UHMK1: variants seen among roughly 807,000 people sequenced by gnomAD.
UHMK1 encodes the protein serine/threonine-protein kinase Kist.
UHMK1 carries 18 observed loss-of-function variants against 44.0 expected under a neutral mutation model. The ratio of observed to expected loss-of-function variants is 0.41; its 90% CI spans 0.28 to 0.61. UHMK1 has a LOEUF of 0.61. UHMK1 is among the 20% of genes least tolerant of loss of function. The pLI is 0.31. For synonymous variants in UHMK1, 231 were observed against 198.5 expected (o/e 1.16, Z -1.38); for missense variants, 463 against 522.5 (o/e 0.89, Z 1.11).
intron 3 of UHMK1, among the ~76,000 whole-genome samples, chr1:162,501,552 A>G (rs943592133): frequency 2.0e-5 from 3 of 152,202 alleles, no homozygotes; most frequent in Non-Finnish European, 4.4e-5. Flanking sequence ...CTTGAATGCC[A>G]CTACCAACTC....
At chr1:162,513,299 TA>T (rs1452919340) in intron 6 of UHMK1, among the ~76,000 whole-genome samples, 4 of 152,178 alleles carry the variant, frequency 2.6e-5, no homozygotes. Context: ...TTTACCCAGT[TA>T]ATGAAGAAGA....
chr1:162,499,418 C>T (rs1200560674), intron 1 of UHMK1, among the ~76,000 whole-genome samples: 2 of 152,114 alleles, frequency 1.3e-5, no homozygotes, highest in Non-Finnish European at 1.5e-5. Context: ...CCTCCTGCCT[C>T]GGTCTCTCAG....
Position 162,501,043 on chromosome 1 carries a change from T to C in UHMK1, c.692T>C (p.Ile231Thr). 6.2e-7 allele frequency: 1 copy of C among 1,614,118 alleles called. No individual in the cohort carries two copies. Among genetic ancestry groups the C allele is most frequent in the Non-Finnish European group, 8.5e-7 (1 of 1,180,012 alleles). The change falls in exon 3 of 8, where the codon ATT becomes ACT. Residue 231 changes from isoleucine (I) to threonine (T), a missense_variant. Coordinates refer to ENST00000489294, the MANE Select transcript of UHMK1 (RefSeq NM_175866.5). The stretch of plus-strand genomic sequence containing the variant: ...GTTGATCTGTGGAGCCTAGGAATCA[T>C]TTTACTGGAAATGTTCTCAGGAATG... ...SAVDLWSLGI[I>T]LLEMFSGMKL...
At position 162,508,441 on chromosome 1, in the gene UHMK1, C is replaced by T. The variant is rs368138223; in HGVS notation, c.849-4059C>T. Reference sequence around the variant, plus strand: ...AGCTCATTTTGAAATGGTAGGCTCACACCCATAATCCCAGCACTTTGGGAG... The same window carrying T: ...AGCTCATTTTGAAATGGTAGGCTCATACCCATAATCCCAGCACTTTGGGAG... On this transcript the variant is annotated intron_variant, in intron 4 of 7. Transcript: ENST00000489294. 9.9e-5 allele frequency among the ~76,000 whole-genome samples: 15 copies of T among 151,142 alleles called. No homozygotes were observed. The South Asian group carries it at 3.1e-3, about 32-fold the overall frequency.
intron 4 of UHMK1, among the ~76,000 whole-genome samples, chr1:162,505,073 C>T (rs971884972): frequency 1.3e-5 from 2 of 152,116 alleles, no homozygotes; most frequent in African/African-American, 4.8e-5. Context: ...CCGCTTCTGG[C>T]CAAAATTTTT....
intron 4 of UHMK1, among the ~76,000 whole-genome samples, chr1:162,508,072 T>C (rs751786948): frequency 2.8e-4 from 42 of 152,090 alleles, no homozygotes; most frequent in Non-Finnish European, 5.9e-5. Flanking sequence ...TGTTGCTCTT[T>C]CACATCTTAT....
Position 162,497,958 on chromosome 1 carries a change from G to A in UHMK1, c.-43G>A, listed in dbSNP as rs545963815. The A allele has an allele frequency of 1.0e-5, 15 of 1,452,052 alleles. 1 individual carries two copies. In the South Asian group the frequency reaches 1.9e-4, roughly 18 times the overall value. The allele number at this position is 1,452,052 out of a possible 1,614,324, so 89.9% of individuals were successfully genotyped here. On this transcript the variant is annotated 5_prime_UTR_variant, in exon 1 of 8. Transcript: ENST00000489294. ...CCGCGGGCCCGGCCGGCCTGCCTCA[G>A]GCGTCGCGTCAGCTCCCGTGTCCGT...
Position 162,518,125 on chromosome 1 carries a change from G to A in UHMK1, c.1048G>A (p.Glu350Lys). 6.2e-7 allele frequency: 1 copy of A among 1,612,814 alleles called. No homozygotes were observed. Among genetic ancestry groups the A allele is most frequent in the Non-Finnish European group, 8.5e-7 (1 of 1,179,006 alleles). Reference sequence around the variant, plus strand: ...AGATGTTGTAGAAGATGTAAAAGAGGAGTGTCAAAAATATGGACCAGTGGT... The same window carrying A: ...AGATGTTGTAGAAGATGTAAAAGAGAAGTGTCAAAAATATGGACCAGTGGT... ...YEDVVEDVKE[E>K]CQKYGPVVSL... Residue 350 changes from glutamate to lysine, a missense_variant, in exon 7 of 8, where the codon GAG becomes AAG. Glu to Lys is a moderately conservative substitution (Grantham distance 56, BLOSUM62 1). Transcript: ENST00000489294.
At position 162,501,243 on chromosome 1, in the gene UHMK1, C is replaced by T; in HGVS notation, c.753+139C>T. 9 of 796,810 alleles carry T rather than the reference C, an allele frequency of 1.1e-5. No individual in the cohort carries two copies. In the South Asian group the frequency reaches 1.6e-4, roughly 14 times the overall value. 49.4% of individuals were successfully genotyped at this position (796,810 alleles called of 1,614,324 possible). A position where few individuals can be genotyped will look rare whatever the true frequency, so the allele number is the denominator to read the frequency against. On this transcript the variant is annotated intron_variant, in intron 3 of 7. Coordinates refer to ENST00000489294, the MANE Select transcript of UHMK1 (RefSeq NM_175866.5). The stretch of plus-strand genomic sequence containing the variant: ...GGAGTGCAGTGGCGCAATCTCAGCT[C>T]ACTGCAACCTCCACCTTCCGGTTTC...
rs533611980 is a variant in UHMK1 at position 162,522,458 on chromosome 1, A to C, written c.1168A>C (p.Thr390Pro). The C allele has an allele frequency of 7.4e-6, 12 of 1,614,144 alleles. No homozygotes were observed. In the Admixed American group the frequency reaches 1.2e-4, roughly 16 times the overall value. ...TTCCAAAGCTGCGCAGAAATTACTG[A>C]CTGGAAGGATGTTTGATGGGAAGTT... ...GDSKAAQKLL[T>P]GRMFDGKFVV... is the part of the protein sequence containing the mutation. The change falls in exon 8 of 8, where the codon ACT (threonine) becomes CCT (proline). Residue 390 changes from threonine to proline, a missense_variant. Transcript: ENST00000489294.
chr1:162,507,882 C>T lies in UHMK1; in HGVS notation c.848+4034C>T, dbSNP rs182619395. On this transcript the variant is annotated intron_variant, in intron 4 of 7. Coordinates refer to ENST00000489294, the MANE Select transcript of UHMK1 (RefSeq NM_175866.5). The stretch of plus-strand genomic sequence containing the variant: ...ATTACAGGCATGAGCCACCGTGCCC[C>T]GCCTCTTTTTTATTTTTAAAAATAT... Among the ~76,000 whole-genome samples, 1,318 of 148,652 alleles carry T rather than the reference C, an allele frequency of 8.9e-3. 15 individuals carry two copies. Among genetic ancestry groups the T allele is most frequent in the African/African-American group, 0.03 (1,225 of 41,236 alleles).
At position 162,523,755 on chromosome 1, in the gene UHMK1, G is replaced by C. The variant is rs556771852; in HGVS notation, c.*1205G>C. The C allele has an allele frequency of 1.3e-5, 2 of 152,102 alleles. No homozygotes were observed. Among genetic ancestry groups the C allele is most frequent in the Non-Finnish European group, 2.9e-5 (2 of 68,008 alleles). 9.4% of individuals were successfully genotyped at this position (152,102 alleles called of 1,614,324 possible). A position where few individuals can be genotyped will look rare whatever the true frequency, so the allele number is the denominator to read the frequency against. The stretch of plus-strand genomic sequence containing the variant: ...CCCTCATTCTTTGCCTCTATCCTTA[G>C]CTGAAGACAAACTAGAGGAGCAGCA... On this transcript the variant is annotated 3_prime_UTR_variant, in exon 8 of 8. Transcript: ENST00000489294.
chr1:162,517,262 A>G (rs1651864477), intron 6 of UHMK1, among the ~76,000 whole-genome samples: 1 of 152,072 alleles, frequency 6.6e-6, no homozygotes, highest in African/African-American at 2.4e-5. Context: ...TCGTGCCACT[A>G]CACTCCAGCC....
rs558812694 is a variant in UHMK1, at chr1:162,524,648, A to G, written c.*2098A>G. 1.3e-5 allele frequency: 2 copies of G among 152,306 alleles called. No homozygotes were observed. The highest frequency in any genetic ancestry group is 4.8e-5 in the African/African-American group (2 of 41,574). The allele number at this position is 152,306 out of a possible 1,614,324, so 9.4% of individuals were successfully genotyped here. A position where few individuals can be genotyped will look rare whatever the true frequency, so the allele number is the denominator to read the frequency against. On this transcript the variant is annotated 3_prime_UTR_variant, in exon 8 of 8. Transcript: ENST00000489294. ...ACTTTTCTCTCCCCTCCGCCCCCAA[A>G]AGAAAAATCCTTACAAATAAACTGC...
In UHMK1 at chr1:162,529,135, A is replaced by G. The variant is rs1652356147; in HGVS notation, c.*6585A>G. The G allele has an allele frequency of 6.6e-6, 1 of 152,180 alleles. No individual in the cohort carries two copies. The highest frequency in any genetic ancestry group is 6.6e-5 in the Admixed American group (1 of 15,264). 9.4% of individuals were successfully genotyped at this position (152,180 alleles called of 1,614,324 possible). A position where few individuals can be genotyped will look rare whatever the true frequency, so the allele number is the denominator to read the frequency against. On this transcript the variant is annotated 3_prime_UTR_variant, in exon 8 of 8. Transcript: ENST00000489294. The stretch of plus-strand genomic sequence containing the variant: ...CTCAGAACTACAAGAATATTACAAT[A>G]CATAGTGAATAGTTGTCTGTAACAT...
intron 4 of UHMK1, among the ~76,000 whole-genome samples, chr1:162,505,222 G>A (rs1316527026): frequency 6.6e-6 from 1 of 152,158 alleles, no homozygotes; most frequent in Non-Finnish European, 1.5e-5. Flanking sequence ...CACAGGGTCA[G>A]GATCATCAAT....
At chr1:162,509,996 A>G (rs1270430857) in intron 4 of UHMK1, among the ~76,000 whole-genome samples, 1 of 152,180 alleles carries the variant, frequency 6.6e-6, no homozygotes, top group African/African-American at 2.4e-5. Context: ...GCTTACTTAC[A>G]ATAAGGAAAT....
rs1557948974 is a variant in UHMK1 at position 162,524,479 on chromosome 1, C to T, written c.*1929C>T. 1 of 152,068 alleles carries T rather than the reference C, an allele frequency of 6.6e-6. No individual in the cohort carries two copies. The highest frequency in any genetic ancestry group is 1.5e-5 in the Non-Finnish European group (1 of 68,020). The allele number at this position is 152,068 out of a possible 1,614,324, so 9.4% of individuals were successfully genotyped here. ...AGTCAGAATTCAAGTGGGCAGAACC[C>T]GTATTGTGAAGACCTAAACTTTCCT... On this transcript the variant is annotated 3_prime_UTR_variant, in exon 8 of 8. Transcript: ENST00000489294.
chr1:162,517,624 C>T (rs757510174), intron 6 of UHMK1, among the ~76,000 whole-genome samples: 8 of 152,078 alleles, frequency 5.3e-5, no homozygotes, highest in Non-Finnish European at 1.2e-4. Context: ...CAGTGGCTCA[C>T]GCCTGTAATC....
Sources: gnomAD v4.1 joint callset for allele counts (sites outside exome capture counted in the v4.1 genomes callset) on GRCh38, gnomAD v4.1.1 for gene constraint, MANE v1.5 for transcripts, NCBI Gene and HGNC (gene_info 2026-07-23, HGNC 2026-07-21) for gene names.